The following WWC1 variants were observed in gnomAD, a reference collection of about 807,000 sequenced individuals.
WWC1 encodes the protein WW and C2 domain containing 1.
Under a neutral mutation model 138.4 loss-of-function variants are expected in WWC1, and 55 were observed. The observed-to-expected ratio is 0.40, with a 90% CI of 0.32 to 0.50. WWC1 has a LOEUF of 0.50. Ranked by LOEUF, WWC1 falls within the 20% of genes least tolerant of loss-of-function variation. The pLI is 0.72. For missense variants in WWC1, 1,226 were observed against 1,420.4 expected (o/e 0.86, Z 2.20); for synonymous variants, 524 against 564.9 (o/e 0.93, Z 1.03).
chr5:168,388,470 G>A (rs975475943), intron 3 of WWC1, among the ~76,000 whole-genome samples: 2 of 151,970 alleles, frequency 1.3e-5, no homozygotes, highest in African/African-American at 2.4e-5. Flanking sequence ...TTATGAAGAT[G>A]CATGTGGCAA....
chr5:168,316,488 G>A (rs1452903799), intron 1 of WWC1: 1 of 152,340 alleles, frequency 6.6e-6, no homozygotes, highest in Non-Finnish European at 1.5e-5. Flanking sequence ...CTTTGGAAAG[G>A]AGAGGCCTGA....
In WWC1 at chr5:168,464,997, C is replaced by T. The variant is rs749585089; in HGVS notation, c.3150+35C>T. 2.5e-6 allele frequency: 4 copies of T among 1,608,528 alleles called. No homozygotes were observed. The Admixed American group carries it at 6.7e-5, about 27-fold the overall frequency. ...GCCTCGAAGGCAGGGGAGCCCTGCG[C>T]TCTGCCCCAGAGAGTCGGGGGGCAC... On this transcript the variant is annotated intron_variant, in intron 21 of 22. Transcript: ENST00000265293.
At position 168,469,016 on chromosome 5, in the gene WWC1, A is replaced by C; in HGVS notation, c.3341A>C (p.Ter1114SerextTer20). The change falls in exon 23 of 23, where the codon TAA becomes TCA. Residue 1114 changes from the stop codon to serine (S), a stop_lost. Coordinates refer to ENST00000265293, the MANE Select transcript of WWC1 (RefSeq NM_015238.3). Reference sequence around the variant, plus strand: ...CCAGCTCTCTCTGCAGATGACGTCTAATCGCCAGAAAAGTATTTCCTTTGT... The same window carrying C: ...CCAGCTCTCTCTGCAGATGACGTCTCATCGCCAGAAAAGTATTTCCTTTGT... The part of the protein sequence containing the change: ...NIPALSADDV[*>S] 6.2e-7 allele frequency: 1 copy of C among 1,614,232 alleles called. No individual in the cohort carries two copies. The highest frequency in any genetic ancestry group is 8.5e-7 in the Non-Finnish European group (1 of 1,180,030).
Position 168,337,165 on chromosome 5 carries a change from T to C in WWC1, c.120-34259T>C, listed in dbSNP as rs570609872. Among the ~76,000 whole-genome samples the C allele has an allele frequency of 2.9e-3, 447 of 152,040 alleles. 2 individuals are homozygous for C. The highest frequency in any genetic ancestry group is 9.4e-3 in the African/African-American group (388 of 41,464). ...ACTGATGCTGGCAGAATCGTTGGGG[T>C]CCTGCAATCATTGGGGACCTGGTTT... On this transcript the variant is annotated intron_variant, in intron 1 of 22. Coordinates refer to ENST00000265293, the MANE Select transcript of WWC1 (RefSeq NM_015238.3).
chr5:168,398,235 C>T (rs1038340710), intron 4 of WWC1, among the ~76,000 whole-genome samples: 2 of 152,112 alleles, frequency 1.3e-5, no homozygotes, highest in Non-Finnish European at 2.9e-5. Flanking sequence ...TCCCAAGTAG[C>T]TGGGACTATA....
intron 1 of WWC1, among the ~76,000 whole-genome samples, chr5:168,302,075 G>A (rs755553191): frequency 6.6e-6 from 1 of 152,232 alleles, no homozygotes; most frequent in Non-Finnish European, 1.5e-5. Flanking sequence ...GTGAATCAGG[G>A]TAATGAATTG....
At chr5:168,386,671 A>G (rs1201979173) in intron 3 of WWC1, among the ~76,000 whole-genome samples, 1 of 146,492 alleles carries the variant, frequency 6.8e-6, no homozygotes, top group African/African-American at 2.6e-5. Context: ...CTGGGATTAC[A>G]GGCATGAGCC....
At chr5:168,384,666 C>T (rs1014288073) in intron 2 of WWC1, among the ~76,000 whole-genome samples, 11 of 151,432 alleles carry the variant, frequency 7.3e-5, no homozygotes, top group African/African-American at 2.4e-4. Context: ...TTATTCAGGC[C>T]GTTCTCAGAG....
At position 168,388,517 on chromosome 5, in the gene WWC1, AAAAGG is replaced by A. The variant is rs529675655; in HGVS notation, c.433+3113_433+3117del. 5.3e-3 allele frequency among the ~76,000 whole-genome samples: 811 copies of A among 152,288 alleles called. 6 individuals carry two copies. Among genetic ancestry groups the A allele is most frequent in the Non-Finnish European group, 7.8e-3 (530 of 68,028 alleles). On this transcript the variant is annotated intron_variant, in intron 3 of 22. Transcript: ENST00000265293. ...CTTATTCCAAAAAAGGTCCAAGAAA[AAAAGG>A]AAAGGAAAGAAAATAGGAAAAACTC...
In WWC1 at chr5:168,371,511, T is replaced by C; in HGVS notation, c.207T>C (p.Asp69=). 2 of 1,613,960 alleles carry C rather than the reference T, an allele frequency of 1.2e-6. No homozygotes were observed. ...AGGCATATGACCCACAGGTTGGAGATTACTTCATAGACCACAACACCAGTA... is the reference window on the plus strand; with the variant it reads ...AGGCATATGACCCACAGGTTGGAGACTACTTCATAGACCACAACACCAGTA... ...WEEAYDPQVG[D]YFIDHNTKTT... The change falls in exon 2 of 23, where the codon GAT becomes GAC. Residue 69 remains aspartate (D), a synonymous_variant. Coordinates refer to ENST00000265293, the MANE Select transcript of WWC1 (RefSeq NM_015238.3).
chr5:168,337,784 G>A (rs1261606492), intron 1 of WWC1, among the ~76,000 whole-genome samples: 1 of 152,246 alleles, frequency 6.6e-6, no homozygotes, highest in Non-Finnish European at 1.5e-5. Context: ...GAGAATAAAT[G>A]AGGGGACCTC....
rs865901480 is a variant in WWC1, at chr5:168,343,895, T to G, written c.120-27529T>G. 3.3e-5 allele frequency among the ~76,000 whole-genome samples: 5 copies of G among 151,978 alleles called. No homozygotes were observed. The South Asian group carries it at 1.0e-3, about 32-fold the overall frequency. On this transcript the variant is annotated intron_variant, in intron 1 of 22. Coordinates refer to ENST00000265293, the MANE Select transcript of WWC1 (RefSeq NM_015238.3). ...CCTAGTCTTCAGGGGTTCAGGGCTCTCAGATGTCTCCCCCACCATACCTCC... is the reference window on the plus strand; with the variant it reads ...CCTAGTCTTCAGGGGTTCAGGGCTCGCAGATGTCTCCCCCACCATACCTCC...
intron 1 of WWC1, among the ~76,000 whole-genome samples, chr5:168,334,870 C>T (rs1484372853): frequency 1.3e-5 from 2 of 152,218 alleles, no homozygotes; most frequent in African/African-American, 4.8e-5. Flanking sequence ...GCTGAAGAAG[C>T]TGATTGGTGG....
In WWC1 at chr5:168,469,119, T is replaced by C. The variant is rs1401025752; in HGVS notation, c.*102T>C. On this transcript the variant is annotated 3_prime_UTR_variant, in exon 23 of 23. Coordinates refer to ENST00000265293, the MANE Select transcript of WWC1 (RefSeq NM_015238.3). ...TTATATGAAGGTACTGAGTCACAAG[T>C]CCTCTAGTGCTCTTGTTGGTTTGAA... 5 of 1,397,694 alleles carry C rather than the reference T, an allele frequency of 3.6e-6. No homozygotes were observed. In the African/African-American group the frequency reaches 7.1e-5, roughly 20 times the overall value. The allele number at this position is 1,397,694 out of a possible 1,614,324, so 86.6% of individuals were successfully genotyped here.
chr5:168,450,571 C>T (rs561484772), intron 17 of WWC1, among the ~76,000 whole-genome samples: 62 of 152,128 alleles, frequency 4.1e-4, no homozygotes, highest in Middle Eastern at 3.4e-3. Context: ...GAGGCTGAGG[C>T]GGGAGAATTG....
chr5:168,408,373 G>A (rs1056225450), intron 6 of WWC1, 134 bp from the exon 7 acceptor site: 3 of 1,029,848 alleles, frequency 2.9e-6, no homozygotes, highest in East Asian at 5.0e-5. Flanking sequence ...TCTATCACAG[G>A]ATCAGTAGGA....
At position 168,464,870 on chromosome 5, in the gene WWC1, G is replaced by T. The variant is rs1757124052; in HGVS notation, c.3058G>T (p.Glu1020Ter). The change falls in exon 21 of 23, where the codon GAA (glutamate) becomes TAA (stop). Residue 1020 changes from glutamate to a stop codon, truncating the protein, a stop_gained. Coordinates refer to ENST00000265293, the MANE Select transcript of WWC1 (RefSeq NM_015238.3). LOFTEE classifies it high-confidence loss of function. ...SVLKELKEQLEQAKSHGEKEL... is the reference protein window; with the variant it reads ...SVLKELKEQL ...GCTGAAGGAGCTCAAGGAGCAGCTG[G>T]AACAAGCCAAGAGCCACGGGGAGAA... 6.2e-7 allele frequency: 1 copy of T among 1,614,210 alleles called. No individual in the cohort carries two copies. Among genetic ancestry groups the T allele is most frequent in the East Asian group, 2.2e-5 (1 of 44,866 alleles).
chr5:168,437,314 T>C (rs960018332), intron 15 of WWC1, among the ~76,000 whole-genome samples: 4 of 152,232 alleles, frequency 2.6e-5, no homozygotes, highest in Admixed American at 2.0e-4. Flanking sequence ...CATTTCACTG[T>C]ACGTCATAGA....
chr5:168,360,937 C>T (rs544984454), intron 1 of WWC1, among the ~76,000 whole-genome samples: 19 of 152,228 alleles, frequency 1.2e-4, no homozygotes, highest in Non-Finnish European at 2.2e-4. Flanking sequence ...CAGCCCAGCA[C>T]CTGGGAAGAG....
Sources: allele counts gnomAD v4.1 joint callset (sites outside exome capture counted in the v4.1 genomes callset), GRCh38; gene constraint gnomAD v4.1.1; transcripts MANE v1.5; gene names NCBI Gene and HGNC (gene_info 2026-07-23, HGNC 2026-07-21).